Variants in THEMIS observed in about 807,000 individuals in gnomAD.
The protein encoded by THEMIS is thymocyte selection associated.
A neutral mutation model predicts 52.6 loss-of-function variants in THEMIS; 37 were observed. The observed-to-expected ratio is 0.70, with a 90% CI of 0.54 to 0.93. The LOEUF is 0.93. Ranked by LOEUF, THEMIS falls within the 40% of genes least tolerant of loss-of-function variation. The probability of loss-of-function intolerance (pLI) is 0.00; values close to 1 mark genes in which losing one functional copy is unlikely to be tolerated. For missense variants in THEMIS, 808 were observed against 763.1 expected (o/e 1.06, Z -0.69); for synonymous variants, 292 against 272.7 (o/e 1.07, Z -0.70).
rs192992414 is a variant in THEMIS at position 127,910,533 on chromosome 6, G to T, written c.-150+7895C>A. 2.6e-5 allele frequency among the ~76,000 whole-genome samples: 4 copies of T among 152,258 alleles called. No homozygotes were observed. In the East Asian group the frequency reaches 7.7e-4, roughly 29 times the overall value. ...TCTCTGAATAGAGCCAGGAAATGGAGAATCTGTTTCTACTATCACCATGCC... is the reference window on the plus strand; with the variant it reads ...TCTCTGAATAGAGCCAGGAAATGGATAATCTGTTTCTACTATCACCATGCC... On this transcript the variant is annotated intron_variant, in intron 1 of 6. Transcript: ENST00000368250.
At chr6:127,846,966 T>C (rs1290660111) in intron 2 of THEMIS, among the ~76,000 whole-genome samples, 2 of 151,918 alleles carry the variant, frequency 1.3e-5, no homozygotes, top group African/African-American at 2.4e-5. Context: ...ATCCCAGGGA[T>C]GCAGAGATAG....
chr6:127,771,528 A>G (rs1193487802), intron 4 of THEMIS, among the ~76,000 whole-genome samples: 2 of 152,218 alleles, frequency 1.3e-5, no homozygotes, highest in East Asian at 3.8e-4. Context: ...ACAAGGCTAC[A>G]GTAACCAAAA....
intron 4 of THEMIS, among the ~76,000 whole-genome samples, chr6:127,740,634 A>AT (rs1030457003): frequency 2.0e-5 from 3 of 152,086 alleles, no homozygotes; most frequent in East Asian, 1.9e-4. Flanking sequence ...AATAACGGCC[A>AT]TTTTTTTCTT....
chr6:127,831,764 A>C (rs1313904839), intron 2 of THEMIS, among the ~76,000 whole-genome samples: 1 of 152,188 alleles, frequency 6.6e-6, no homozygotes, highest in Non-Finnish European at 1.5e-5. Flanking sequence ...AACTTTTAGA[A>C]ATAGAATAGT....
intron 3 of THEMIS, among the ~76,000 whole-genome samples, chr6:127,821,523 G>A (rs1254943264): frequency 6.6e-6 from 1 of 152,018 alleles, no homozygotes; most frequent in East Asian, 1.9e-4. Flanking sequence ...GTTATCCAAA[G>A]GGAGCTCCTG....
chr6:127,728,991 T>C (rs933985676), intron 4 of THEMIS, among the ~76,000 whole-genome samples: 1 of 152,136 alleles, frequency 6.6e-6, no homozygotes, highest in East Asian at 1.9e-4. Context: ...CCCCTCTCAC[T>C]TTTTCATTTA....
At chr6:127,730,834 T>C (rs1774768069) in intron 4 of THEMIS, among the ~76,000 whole-genome samples, 1 of 152,224 alleles carries the variant, frequency 6.6e-6, no homozygotes, top group Non-Finnish European at 1.5e-5. Context: ...TGTATGTGTG[T>C]GTTCCTGGCT....
intron 3 of THEMIS, among the ~76,000 whole-genome samples, chr6:127,823,165 T>G (rs1446295573): frequency 6.6e-6 from 1 of 152,096 alleles, no homozygotes; most frequent in African/African-American, 2.4e-5. Flanking sequence ...CTCTGCTAGC[T>G]GCATGATATT....
At chr6:127,791,317 A>G (rs1777147898) in intron 4 of THEMIS, among the ~76,000 whole-genome samples, 1 of 152,128 alleles carries the variant, frequency 6.6e-6, no homozygotes, top group South Asian at 2.1e-4. Context: ...AAGGAGACCC[A>G]CAGTGGGTAG....
intron 3 of THEMIS, 69 bp from the exon 4 acceptor site, chr6:127,814,000 G>T: frequency 8.0e-7 from 1 of 1,244,258 alleles, no homozygotes; most frequent in Non-Finnish European, 1.1e-6. Context: ...ATACTCTCCT[G>T]ATGCCATAAA....
chr6:127,761,496 T>A (rs1226183931), intron 4 of THEMIS, among the ~76,000 whole-genome samples: 1 of 152,126 alleles, frequency 6.6e-6, no homozygotes, highest in Non-Finnish European at 1.5e-5. Flanking sequence ...CCTTCCTCAT[T>A]TTAATGCTAA....
chr6:127,890,808 A>G (rs1780781749), intron 1 of THEMIS, among the ~76,000 whole-genome samples: 2 of 152,092 alleles, frequency 1.3e-5, no homozygotes, highest in African/African-American at 2.4e-5. Flanking sequence ...TTAAAATTGT[A>G]TATTATCAAT....
intron 5 of THEMIS, among the ~76,000 whole-genome samples, chr6:127,715,959 A>T (rs1774144459): frequency 6.6e-6 from 1 of 151,876 alleles, no homozygotes; most frequent in African/African-American, 2.4e-5. Context: ...TTGTGGCAGA[A>T]CTGGGACTCA....
chr6:127,816,661 T>G (rs113432375), intron 3 of THEMIS, among the ~76,000 whole-genome samples: 2,011 of 152,306 alleles, frequency 0.013, 46 homozygotes, highest in African/African-American at 0.046. Flanking sequence ...CTAACCGGTA[T>G]CCTTGCAGTC....
intron 4 of THEMIS, among the ~76,000 whole-genome samples, chr6:127,743,774 C>A (rs957456518): frequency 1.3e-5 from 2 of 151,996 alleles, no homozygotes; most frequent in Non-Finnish European, 2.9e-5. Flanking sequence ...AAATGCGAAT[C>A]ATTTATTAGG....
chr6:127,799,579 C>CTTTT (rs1318277307), intron 4 of THEMIS, among the ~76,000 whole-genome samples: 2 of 135,924 alleles, frequency 1.5e-5, no homozygotes, highest in African/African-American at 5.3e-5. Flanking sequence ...TTCTTTCTTT[C>CTTTT]TTTCTTTTTT....
At chr6:127,792,884 C>CT (rs753707183) in intron 4 of THEMIS, among the ~76,000 whole-genome samples, 2 of 152,176 alleles carry the variant, frequency 1.3e-5, no homozygotes, top group Non-Finnish European at 2.9e-5. Context: ...AACAGGTACA[C>CT]TTTTTCCCAA....
chr6:127,900,280 T>A (rs1030199322), intron 1 of THEMIS, among the ~76,000 whole-genome samples: 3 of 151,968 alleles, frequency 2.0e-5, no homozygotes, highest in African/African-American at 7.2e-5. Context: ...AGTTTCAACA[T>A]CAATTTTTAA....
intron 4 of THEMIS, chr6:127,807,135 G>T (rs1269247732): frequency 6.1e-6 from 1 of 162,976 alleles, no homozygotes; most frequent in Non-Finnish European, 1.3e-5. Context: ...GGCCCAGGTG[G>T]GTGGATCACA....
Sources: gnomAD v4.1 joint callset for allele counts (sites outside exome capture counted in the v4.1 genomes callset) on GRCh38, gnomAD v4.1.1 for gene constraint, MANE v1.5 for transcripts, NCBI Gene and HGNC (gene_info 2026-07-23, HGNC 2026-07-21) for gene names.